The following DSCAML1 variants were observed in gnomAD, a reference collection of about 807,000 sequenced individuals.
DSCAML1 encodes cell adhesion molecule DSCAML1.
Under a neutral mutation model 200.5 loss-of-function variants are expected in DSCAML1, and 38 were observed. The ratio of observed to expected loss-of-function variants is 0.19; its 90% CI spans 0.15 to 0.25. The LOEUF (loss-of-function observed/expected upper bound fraction) is 0.25. Ranked by LOEUF, DSCAML1 falls within the 10% of genes least tolerant of loss-of-function variation. DSCAML1 has a pLI of 1.00. For synonymous variants in DSCAML1, 1,215 were observed against 1,165.0 expected (o/e 1.04, Z -0.87); for missense variants, 2,223 against 2,858.8 (o/e 0.78, Z 5.07).
chr11:117,658,612 C>T (rs2052779794), intron 3 of DSCAML1, among the ~76,000 whole-genome samples: 1 of 152,174 alleles, frequency 6.6e-6, no homozygotes, highest in African/African-American at 2.4e-5. Flanking sequence ...GGCTGGACTC[C>T]ATCCAAAGGC....
Position 117,518,784 on chromosome 11 carries a change from C to T in DSCAML1, c.1214-22G>A. ...CCATCTGCAGGGAGCGAGAAGCCCC[C>T]TTCAGGGTCACCAAGCCATGGAGAG... On this transcript the variant is annotated intron_variant, in intron 6 of 32. Transcript: ENST00000651296. The surrounding 1 kb of genome is among the most constrained non-coding windows in gnomAD (Gnocchi z 6.3). The T allele has an allele frequency of 1.2e-6, 2 of 1,600,274 alleles. No homozygotes were observed. The highest frequency in any genetic ancestry group is 1.7e-6 in the Non-Finnish European group (2 of 1,176,396).
intron 11 of DSCAML1, among the ~76,000 whole-genome samples, chr11:117,501,765 G>A (rs1431132016): frequency 2.0e-5 from 3 of 152,216 alleles, no homozygotes; most frequent in Middle Eastern, 3.4e-3. Flanking sequence ...TGCCCTGAGC[G>A]GGATGACGTG....
chr11:117,572,666 G>C (rs1312883217), intron 3 of DSCAML1, among the ~76,000 whole-genome samples: 25 of 152,210 alleles, frequency 1.6e-4, no homozygotes, highest in Admixed American at 1.6e-3. Flanking sequence ...AGGGGATTGG[G>C]GGGAGGCGGG....
intron 3 of DSCAML1, among the ~76,000 whole-genome samples, chr11:117,743,867 C>G (rs1257969818): frequency 6.6e-6 from 1 of 152,214 alleles, no homozygotes; most frequent in Admixed American, 6.5e-5. Context: ...GAAGGTGGTG[C>G]TCTCCACCCC....
intron 3 of DSCAML1, among the ~76,000 whole-genome samples, chr11:117,732,509 T>A (rs1360007242): frequency 2.0e-5 from 3 of 152,204 alleles, no homozygotes; most frequent in Non-Finnish European, 2.9e-5. Context: ...CAAGGCCCTA[T>A]CTGGCTCTCA....
At chr11:117,539,160 T>C (rs982115991) in intron 3 of DSCAML1, among the ~76,000 whole-genome samples, 30 of 152,174 alleles carry the variant, frequency 2.0e-4, no homozygotes, top group African/African-American at 7.0e-4. Flanking sequence ...ACGAGGAAAC[T>C]GCAACCCAGA....
At chr11:117,645,789 T>C (rs1393883631) in intron 3 of DSCAML1, among the ~76,000 whole-genome samples, 4 of 149,322 alleles carry the variant, frequency 2.7e-5, no homozygotes, top group Non-Finnish European at 5.9e-5. Context: ...TTGGGAGATA[T>C]ACCTAATGCT....
intron 11 of DSCAML1, among the ~76,000 whole-genome samples, chr11:117,486,270 GGAAAGTGGCGGATGT>G (rs1391190955): frequency 2.3e-4 from 20 of 85,882 alleles, no homozygotes; most frequent in Non-Finnish European, 7.0e-5. Context: ...GTGGTGGATG[GGAAAGTGGCGGATGT>G]GAAAATGGCA....
intron 3 of DSCAML1, among the ~76,000 whole-genome samples, chr11:117,595,802 G>A (rs1014498233): frequency 6.6e-6 from 1 of 152,030 alleles, no homozygotes; most frequent in African/African-American, 2.4e-5. Flanking sequence ...GACCTTTCAG[G>A]TTCTCATTCC....
chr11:117,532,776 C>G (rs1040953523), intron 3 of DSCAML1, among the ~76,000 whole-genome samples: 5 of 152,018 alleles, frequency 3.3e-5, no homozygotes, highest in African/African-American at 1.2e-4. Flanking sequence ...AGTTACTTAA[C>G]CTCTCTGAGC....
intron 3 of DSCAML1, among the ~76,000 whole-genome samples, chr11:117,666,214 C>G (rs552408618): frequency 1.3e-5 from 2 of 152,128 alleles, no homozygotes; most frequent in Non-Finnish European, 2.9e-5. Context: ...AGTGGACCCT[C>G]GAGCCAGCCT....
chr11:117,648,292 G>C (rs1194974027), intron 3 of DSCAML1, among the ~76,000 whole-genome samples: 5 of 152,162 alleles, frequency 3.3e-5, no homozygotes, highest in Admixed American at 2.0e-4. Context: ...GGTGTCCAGG[G>C]TGCTCCTGGG....
At chr11:117,547,550 G>T (rs2050397585) in intron 3 of DSCAML1, among the ~76,000 whole-genome samples, 1 of 152,184 alleles carries the variant, frequency 6.6e-6, no homozygotes, top group Admixed American at 6.5e-5. Flanking sequence ...TCTGCAGCTA[G>T]GAGGTGGTAG....
chr11:117,592,695 T>C (rs562428073), intron 3 of DSCAML1, among the ~76,000 whole-genome samples: 2 of 152,324 alleles, frequency 1.3e-5, no homozygotes, highest in East Asian at 3.9e-4. Flanking sequence ...ATCCCTTAAA[T>C]AACCCATGCA....
rs370688529 is a variant in DSCAML1, at chr11:117,503,825, C to T, written c.2359+20G>A. The T allele has an allele frequency of 2.2e-5, 35 of 1,607,488 alleles. No individual in the cohort carries two copies. Among genetic ancestry groups the T allele is most frequent in the Admixed American group, 3.4e-5 (2 of 59,614 alleles). On this transcript the variant is annotated intron_variant, in intron 11 of 32. Coordinates refer to ENST00000651296, the MANE Select transcript of DSCAML1 (RefSeq NM_020693.4). The surrounding 1 kb of genome is among the most constrained non-coding windows in gnomAD (Gnocchi z 5.2). ...GCTGTGATTTGGGGGTGCTAGGGGGCGTGTGGGGACAGGACTCACTCTTGA... is the reference window on the plus strand; with the variant it reads ...GCTGTGATTTGGGGGTGCTAGGGGGTGTGTGGGGACAGGACTCACTCTTGA...
chr11:117,541,710 C>A (rs368737732), intron 3 of DSCAML1, among the ~76,000 whole-genome samples: 2 of 152,128 alleles, frequency 1.3e-5, no homozygotes, highest in Non-Finnish European at 2.9e-5. Flanking sequence ...GGACTGTAAG[C>A]CATGGTGGTC....
intron 21 of DSCAML1, among the ~76,000 whole-genome samples, chr11:117,441,719 T>TG (rs1041414844): frequency 6.6e-6 from 1 of 150,954 alleles, no homozygotes; most frequent in Non-Finnish European, 1.5e-5. Context: ...GTGCATGGCG[T>TG]GGGGGTGGGC....
At chr11:117,609,149 A>G (rs2051637245) in intron 3 of DSCAML1, among the ~76,000 whole-genome samples, 1 of 151,868 alleles carries the variant, frequency 6.6e-6, no homozygotes, top group South Asian at 2.1e-4. Flanking sequence ...CAGTGAGCCG[A>G]GATCGTGCCA....
chr11:117,601,573 A>T (rs1175140362), intron 3 of DSCAML1, among the ~76,000 whole-genome samples: 2 of 152,216 alleles, frequency 1.3e-5, no homozygotes, highest in African/African-American at 4.8e-5. Flanking sequence ...CTTTCACTTA[A>T]ACCATGGATT....
Sources: gnomAD v4.1 joint callset for allele counts (sites outside exome capture counted in the v4.1 genomes callset) on GRCh38, gnomAD v4.1.1 for gene constraint, Gnocchi (gnomAD v3.1) non-coding constraint, MANE v1.5 for transcripts, NCBI Gene and HGNC (gene_info 2026-07-23, HGNC 2026-07-21) for gene names.